EIF4E2: variants seen among roughly 807,000 people sequenced by gnomAD.
EIF4E2 encodes the protein eukaryotic translation initiation factor 4E type 2.
Under a neutral mutation model 34.2 loss-of-function variants are expected in EIF4E2, and 13 were observed. The observed-to-expected ratio is 0.38, with a 90% CI of 0.25 to 0.60. EIF4E2 has a LOEUF of 0.60. Ranked by LOEUF, EIF4E2 falls within the 20% of genes least tolerant of loss-of-function variation. The pLI is 0.62. For missense variants in EIF4E2, 222 were observed against 315.1 expected (o/e 0.70, Z 2.24); for synonymous variants, 100 against 106.6 (o/e 0.94, Z 0.38).
chr2:232,583,416 T>C (rs1693406564), exon 7 of EIF4E2: 1 of 65,060 alleles, frequency 1.5e-5, no homozygotes, highest in Non-Finnish European at 3.2e-5. Context: ...GTCTGCTTTT[T>C]GAATCCTTCT....
chr2:232,552,358 G>A (rs1214881995), intron 1 of EIF4E2, among the ~76,000 whole-genome samples: 4 of 152,070 alleles, frequency 2.6e-5, no homozygotes, highest in African/African-American at 9.7e-5. Flanking sequence ...CTACAGGCAT[G>A]TGCCACCCTA....
intron 1 of EIF4E2, among the ~76,000 whole-genome samples, chr2:232,551,402 G>A (rs62191567): frequency 0.054 from 8,295 of 152,232 alleles, 302 homozygotes; most frequent in Middle Eastern, 0.099. Context: ...CAAACAGTTT[G>A]GAGGTACAGA....
chr2:232,576,641 A>G (rs1420201239), intron 6 of EIF4E2, among the ~76,000 whole-genome samples: 1 of 152,198 alleles, frequency 6.6e-6, no homozygotes, highest in East Asian at 1.9e-4. Flanking sequence ...GGGAAAAATG[A>G]ATTTACACAG....
chr2:232,581,284 G>C lies in EIF4E2; in HGVS notation c.*341G>C. On this transcript the variant is annotated 3_prime_UTR_variant, in exon 7 of 7. Coordinates refer to the EIF4E2 transcript ENST00000409098. This position sits in a 1 kb window ranked among gnomAD's most constrained non-coding sequence, Gnocchi z 5.2. Reference sequence around the variant, plus strand: ...TCCCGTGTTGTACGAAGGGTACCGTGGCCACGTGTACATGCCAGAGCTGTT... The same window carrying C: ...TCCCGTGTTGTACGAAGGGTACCGTCGCCACGTGTACATGCCAGAGCTGTT... 2.4e-6 allele frequency: 1 copy of C among 419,692 alleles called. No homozygotes were observed. The highest frequency in any genetic ancestry group is 4.5e-6 in the Non-Finnish European group (1 of 221,536). 26.0% of individuals were successfully genotyped at this position (419,692 alleles called of 1,614,324 possible).
intron 1 of EIF4E2, among the ~76,000 whole-genome samples, chr2:232,552,953 C>G (rs1256464646): frequency 1.3e-5 from 2 of 152,182 alleles, no homozygotes; most frequent in Non-Finnish European, 2.9e-5. Context: ...CCACATTGCT[C>G]TCTCTAGTAA....
chr2:232,575,883 C>G (rs577810482), intron 6 of EIF4E2, among the ~76,000 whole-genome samples: 24 of 151,844 alleles, frequency 1.6e-4, no homozygotes, highest in South Asian at 6.2e-4. Flanking sequence ...CAATCCTGTT[C>G]CTTCTGTAAG....
At chr2:232,560,094 T>C (rs1305796933) in intron 3 of EIF4E2, among the ~76,000 whole-genome samples, 1 of 152,180 alleles carries the variant, frequency 6.6e-6, no homozygotes, top group Non-Finnish European at 1.5e-5. Context: ...GCTGAACACA[T>C]GGAGGTGCCT....
intron 1 of EIF4E2, among the ~76,000 whole-genome samples, chr2:232,555,941 A>G (rs1241622964): frequency 1.1e-4 from 6 of 55,866 alleles, no homozygotes; most frequent in South Asian, 8.0e-4. Context: ...TGTCAGGAAG[A>G]CCAGGAATTT....
exon 7 of EIF4E2, chr2:232,582,910 A>G (rs1235292649): frequency 6.6e-6 from 1 of 152,122 alleles, no homozygotes; most frequent in African/African-American, 2.4e-5. Context: ...TGTCTTTTCC[A>G]TCAAAAACAT....
intron 1 of EIF4E2, among the ~76,000 whole-genome samples, chr2:232,554,093 A>G (rs1326790208): frequency 6.6e-6 from 1 of 152,190 alleles, no homozygotes; most frequent in African/African-American, 2.4e-5. Flanking sequence ...GATGTTTTTG[A>G]TCAGGAGACA....
chr2:232,565,324 C>G (rs1692882174), intron 4 of EIF4E2, among the ~76,000 whole-genome samples: 1 of 152,184 alleles, frequency 6.6e-6, no homozygotes, highest in Non-Finnish European at 1.5e-5. Context: ...TCCTGACTCA[C>G]TCCCGTTGAC....
intron 6 of EIF4E2, chr2:232,568,571 A>G (rs1019172888): frequency 1.0e-6 from 1 of 985,300 alleles, no homozygotes; most frequent in African/African-American, 1.7e-5. Flanking sequence ...AGGTTTCTGA[A>G]TATCCCCTAC....
chr2:232,564,160 A>G lies in EIF4E2; in HGVS notation c.271-87A>G, dbSNP rs894759681. ...CTGTAGTATAGTGTCTTCCATGCTT[A>G]TGTTCTTAACTAAATCTCAACCTTG... On this transcript the variant is annotated intron_variant, in intron 3 of 6. Coordinates refer to ENST00000258416, the MANE Select transcript of EIF4E2 (RefSeq NM_004846.4). 3.6e-6 allele frequency: 3 copies of G among 842,072 alleles called. No individual in the cohort carries two copies. In the African/African-American group the frequency reaches 5.2e-5, roughly 15 times the overall value. The allele number at this position is 842,072 out of a possible 1,614,324, so 52.2% of individuals were successfully genotyped here.
chr2:232,557,844 G>T, intron 2 of EIF4E2, 40 bp from the exon 3 acceptor site: 1 of 1,604,120 alleles, frequency 6.2e-7, no homozygotes, highest in South Asian at 1.1e-5. Flanking sequence ...CAGACCACGT[G>T]ACAAATGCCC....
chr2:232,578,818 A>G (rs1693279119), intron 6 of EIF4E2, among the ~76,000 whole-genome samples: 1 of 152,148 alleles, frequency 6.6e-6, no homozygotes, highest in African/African-American at 2.4e-5. Flanking sequence ...GGGGCCAGAC[A>G]CTTGCCTGCC....
chr2:232,577,207 TG>T (rs1693245199), intron 6 of EIF4E2, among the ~76,000 whole-genome samples: 1 of 152,222 alleles, frequency 6.6e-6, no homozygotes. Flanking sequence ...GCAGCTTTAC[TG>T]AATATGCAGG....
chr2:232,564,870 T>G (rs1202245611), intron 4 of EIF4E2, among the ~76,000 whole-genome samples: 3 of 152,210 alleles, frequency 2.0e-5, no homozygotes, highest in Non-Finnish European at 4.4e-5. Context: ...GTGCTGGGTG[T>G]TTTTTAAAGA....
intron 6 of EIF4E2, chr2:232,574,460 G>A: frequency 9.6e-7 from 1 of 1,039,246 alleles, no homozygotes; most frequent in South Asian, 1.5e-5. Flanking sequence ...AAAAATATAA[G>A]TCCCAAACCA....
chr2:232,564,426 G>A (rs1490355885), intron 4 of EIF4E2, 75 bp downstream of exon 4: 5 of 731,068 alleles, frequency 6.8e-6, no homozygotes, highest in East Asian at 3.0e-5. Context: ...GCCCTGCCAA[G>A]GTTAAAAGTA....
Sources: gnomAD v4.1 joint callset for allele counts (sites outside exome capture counted in the v4.1 genomes callset) on GRCh38, gnomAD v4.1.1 for gene constraint, Gnocchi (gnomAD v3.1) non-coding constraint, MANE v1.5 for transcripts, NCBI Gene and HGNC (gene_info 2026-07-23, HGNC 2026-07-21) for gene names.